The following TENM2 variants were observed in gnomAD, a reference collection of about 807,000 sequenced individuals.
TENM2 encodes the protein teneurin transmembrane protein 2.
TENM2 carries 52 observed loss-of-function variants against 245.2 expected under a neutral mutation model. That is an observed-to-expected ratio of 0.21 (90% CI 0.17 to 0.27). The LOEUF (loss-of-function observed/expected upper bound fraction) is 0.27. Ranked by LOEUF, TENM2 falls within the 10% of genes least tolerant of loss-of-function variation. TENM2 has a pLI of 1.00. For synonymous variants in TENM2, 1,363 were observed against 1,438.9 expected (o/e 0.95, Z 1.19); for missense variants, 3,046 against 3,666.8 (o/e 0.83, Z 4.37).
Position 168,185,467 on chromosome 5 carries a change from C to T in TENM2, c.2570-4870C>T, listed in dbSNP as rs188925883. On this transcript the variant is annotated intron_variant, in intron 13 of 28. Transcript: ENST00000518659. ...CTACCATCGTGATCATCATCATCAT[C>T]AACATCATCATCATCTCCATTTTAT... Among the ~76,000 whole-genome samples, 122 of 152,256 alleles carry T rather than the reference C, an allele frequency of 8.0e-4. 1 individual carries two copies. The Middle Eastern group carries it at 0.014, about 17-fold the overall frequency.
intron 2 of TENM2, among the ~76,000 whole-genome samples, chr5:167,470,749 T>A (rs1766972990): frequency 6.6e-6 from 1 of 152,022 alleles, no homozygotes; most frequent in African/African-American, 2.4e-5. Context: ...CATGGAGTTG[T>A]GGAGGCTGAG....
intron 2 of TENM2, among the ~76,000 whole-genome samples, chr5:167,686,438 C>T (rs374889407): frequency 3.9e-5 from 6 of 152,272 alleles, no homozygotes; most frequent in African/African-American, 9.6e-5. Context: ...GCAACCCAAA[C>T]GTTGCTTGCT....
At chr5:167,968,624 C>T (rs775752610) in intron 4 of TENM2, among the ~76,000 whole-genome samples, 18 of 152,200 alleles carry the variant, frequency 1.2e-4, no homozygotes, top group East Asian at 7.7e-4. Context: ...GTTAAAATCC[C>T]GCCCTAAAGG....
At chr5:167,021,600 T>C in the TENM2 span, among the ~76,000 whole-genome samples, 2 of 152,220 alleles carry the variant, frequency 1.3e-5, no homozygotes, top group Non-Finnish European at 2.9e-5. Flanking sequence ...GATTATACCA[T>C]ATGTTGCTTT....
At chr5:167,253,614 G>A in the TENM2 span, among the ~76,000 whole-genome samples, 1 of 152,094 alleles carries the variant, frequency 6.6e-6, no homozygotes, top group South Asian at 2.1e-4. Context: ...AACTAAGAAT[G>A]TAGAATGAAT....
At chr5:166,980,966 C>G in the TENM2 span, among the ~76,000 whole-genome samples, 1 of 152,172 alleles carries the variant, frequency 6.6e-6, no homozygotes. Flanking sequence ...CAATAATACT[C>G]TTAAACTTTG....
chr5:167,339,573 C>A (rs1757974127), intron 1 of TENM2, among the ~76,000 whole-genome samples: 1 of 150,540 alleles, frequency 6.6e-6, no homozygotes, highest in South Asian at 2.1e-4. Context: ...ATTCTGGCTT[C>A]TTTTTATTTA....
intron 1 of TENM2, among the ~76,000 whole-genome samples, chr5:167,286,205 C>T (rs1242539567): frequency 6.6e-6 from 1 of 152,082 alleles, no homozygotes; most frequent in Non-Finnish European, 1.5e-5. Context: ...AAAAATAAAT[C>T]AACAGAGAAA....
At chr5:168,208,740 T>C (rs962908709) in intron 19 of TENM2, among the ~76,000 whole-genome samples, 61 of 152,332 alleles carry the variant, frequency 4.0e-4, no homozygotes, top group African/African-American at 1.4e-3. Context: ...ATTGGCACTA[T>C]TTTCAAAGTC....
intron 2 of TENM2, among the ~76,000 whole-genome samples, chr5:167,853,433 A>G (rs1770792068): frequency 6.6e-6 from 1 of 152,094 alleles, no homozygotes; most frequent in South Asian, 2.1e-4. Flanking sequence ...ATTTAAATAA[A>G]TAAGGTTCTG....
chr5:167,148,718 T>A, the TENM2 span, among the ~76,000 whole-genome samples: 3 of 152,160 alleles, frequency 2.0e-5, no homozygotes, highest in African/African-American at 7.2e-5. Context: ...TTCCTCCTGC[T>A]AGTATTTGGA....
chr5:167,166,475 T>C, the TENM2 span, among the ~76,000 whole-genome samples: 1 of 152,184 alleles, frequency 6.6e-6, no homozygotes, highest in Non-Finnish European at 1.5e-5. Context: ...TATAATATTG[T>C]TGAGAGCTTC....
chr5:167,663,141 G>GGAGAGA (rs544699415), intron 2 of TENM2, among the ~76,000 whole-genome samples: 1,385 of 108,204 alleles, frequency 0.013, 9 homozygotes, highest in South Asian at 0.027. Context: ...ATGGGGATGG[G>GGAGAGA]GAGAGAGAGA....
At chr5:168,030,215 C>G (rs1787016004) in intron 5 of TENM2, among the ~76,000 whole-genome samples, 1 of 110,322 alleles carries the variant, frequency 9.1e-6, no homozygotes, top group East Asian at 3.0e-4. Flanking sequence ...TTGAATATCT[C>G]TTTTCCATAT....
intron 12 of TENM2, chr5:168,129,814 C>T (rs1754409615): frequency 1.3e-5 from 2 of 152,170 alleles, no homozygotes; most frequent in Non-Finnish European, 2.9e-5. Flanking sequence ...GGGATACTGA[C>T]AGAGAGGAAA....
intron 13 of TENM2, among the ~76,000 whole-genome samples, chr5:168,189,695 G>T (rs1170899694): frequency 2.6e-5 from 4 of 152,198 alleles, no homozygotes; most frequent in African/African-American, 9.6e-5. Flanking sequence ...GGCTTAGAGA[G>T]AGTGGGATAG....
At chr5:168,224,507 C>CA (rs1763974490) in intron 23 of TENM2, among the ~76,000 whole-genome samples, 1 of 152,202 alleles carries the variant, frequency 6.6e-6, no homozygotes, top group African/African-American at 2.4e-5. Context: ...TTCTTTATTC[C>CA]AAAAACATTT....
chr5:167,822,796 A>G (rs1767642112), intron 2 of TENM2, among the ~76,000 whole-genome samples: 1 of 152,244 alleles, frequency 6.6e-6, no homozygotes, highest in Non-Finnish European at 1.5e-5. Context: ...GGGGGCTATT[A>G]GCAGGCATTT....
At chr5:168,121,582 G>A (rs1225807665) in intron 10 of TENM2, among the ~76,000 whole-genome samples, 1 of 152,156 alleles carries the variant, frequency 6.6e-6, no homozygotes, top group Non-Finnish European at 1.5e-5. Flanking sequence ...ATAAATCTCT[G>A]TGGATTTTCC....
Sources: gnomAD v4.1 joint callset for allele counts (sites outside exome capture counted in the v4.1 genomes callset) on GRCh38, gnomAD v4.1.1 for gene constraint, MANE v1.5 for transcripts, NCBI Gene and HGNC (gene_info 2026-07-23, HGNC 2026-07-21) for gene names.